NBAS: variants seen among roughly 807,000 people sequenced by gnomAD.
NBAS encodes the protein NBAS subunit of NRZ tethering complex.
Under a neutral mutation model 302.5 loss-of-function variants are expected in NBAS, and 219 were observed. The observed-to-expected ratio is 0.72, with a 90% CI of 0.65 to 0.81. The LOEUF (loss-of-function observed/expected upper bound fraction) is 0.81, where lower values mean the gene tolerates loss of function less well. NBAS is among the 30% of genes least tolerant of loss of function. The pLI is 0.00. For missense variants in NBAS, 2,932 were observed against 2,841.6 expected (o/e 1.03, Z -0.72); for synonymous variants, 1,118 against 1,021.6 (o/e 1.09, Z -1.80).
intron 31 of NBAS, among the ~76,000 whole-genome samples, chr2:15,374,202 A>C (rs1356242810): frequency 6.6e-6 from 1 of 152,228 alleles, no homozygotes; most frequent in African/African-American, 2.4e-5. Context: ...AAGCATAAAA[A>C]GAAAAAAACT....
intron 9 of NBAS, among the ~76,000 whole-genome samples, chr2:15,512,886 A>C (rs866944196): frequency 6.6e-6 from 1 of 152,310 alleles, no homozygotes; most frequent in African/African-American, 2.4e-5. Flanking sequence ...GAAAATGAAT[A>C]TATACCTTTT....
the NBAS span, among the ~76,000 whole-genome samples, chr2:15,114,326 C>A: frequency 6.6e-6 from 1 of 152,230 alleles, no homozygotes; most frequent in African/African-American, 2.4e-5. Context: ...CGTAGATGGA[C>A]CTCCTCTCCT....
intron 18 of NBAS, 87 bp from the exon 19 acceptor site, chr2:15,467,494 G>A (rs2148572346): frequency 2.9e-6 from 4 of 1,359,102 alleles, no homozygotes; most frequent in East Asian, 2.3e-5. Context: ...ATATTCCGTT[G>A]AGCCCAAAAC....
intron 9 of NBAS, among the ~76,000 whole-genome samples, chr2:15,518,373 GTTAT>G (rs901125090): frequency 7.9e-5 from 12 of 152,144 alleles, no homozygotes; most frequent in African/African-American, 2.9e-4. Context: ...TATCATTAGC[GTTAT>G]TTGTTTTTGC....
At chr2:14,967,558 A>T in the NBAS span, among the ~76,000 whole-genome samples, 4 of 152,370 alleles carry the variant, frequency 2.6e-5, no homozygotes, top group South Asian at 2.1e-4. Context: ...TGCAAAAATT[A>T]ACTTAAAATG....
the NBAS span, among the ~76,000 whole-genome samples, chr2:14,834,206 G>T: frequency 1.3e-5 from 2 of 152,174 alleles, no homozygotes; most frequent in Non-Finnish European, 2.9e-5. Flanking sequence ...CAAAATGAAT[G>T]TTGAATAGCC....
chr2:15,287,770 T>G (rs1396388075), intron 41 of NBAS, among the ~76,000 whole-genome samples: 2 of 151,538 alleles, frequency 1.3e-5, no homozygotes, highest in African/African-American at 4.9e-5. Flanking sequence ...GCACCCCATG[T>G]AGGCATCCCC....
At chr2:14,894,375 A>T in the NBAS span, among the ~76,000 whole-genome samples, 3 of 152,166 alleles carry the variant, frequency 2.0e-5, no homozygotes, top group African/African-American at 7.2e-5. Context: ...TGTTTTTAAT[A>T]ACAAAATATA....
At chr2:15,560,991 A>T (rs1664888857) in intron 1 of NBAS, among the ~76,000 whole-genome samples, 197 bp downstream of exon 1, 1 of 152,068 alleles carries the variant, frequency 6.6e-6, no homozygotes, top group Non-Finnish European at 1.5e-5. Context: ...GCCCAGGAAG[A>T]ATCTCAGGGA....
chr2:15,142,190 C>G, the NBAS span, among the ~76,000 whole-genome samples: 4 of 152,302 alleles, frequency 2.6e-5, no homozygotes, highest in East Asian at 7.7e-4. Context: ...AGCCTGTCAA[C>G]AGTTGCAAAT....
chr2:15,232,496 G>T lies in NBAS; in HGVS notation c.6162C>A (p.Asp2054Glu), dbSNP rs1238119569. 6.2e-7 allele frequency: 1 copy of T among 1,613,684 alleles called. No homozygotes were observed. The highest frequency in any genetic ancestry group is 8.5e-7 in the Non-Finnish European group (1 of 1,179,958). ...IISALSGGSA[D>E]LGGPRDPLKV... ...TCAGTGGGTCCCTTGGCCCACCAAG[G>T]TCAGCACTGCCACCACTGTGAAAAG... Residue 2054 changes from aspartate to glutamate, a missense_variant, in exon 47 of 52, where the codon GAC becomes GAA. Coordinates refer to ENST00000281513, the MANE Select transcript of NBAS (RefSeq NM_015909.4).
chr2:15,166,135 G>GGACC (rs1357368583), downstream of NBAS, among the ~76,000 whole-genome samples: 1 of 152,146 alleles, frequency 6.6e-6, no homozygotes, highest in Non-Finnish European at 1.5e-5. Context: ...CTATGCCCTG[G>GGACC]GACCCTTATC....
At chr2:14,804,662 T>G in the NBAS span, among the ~76,000 whole-genome samples, 1 of 152,184 alleles carries the variant, frequency 6.6e-6, no homozygotes, top group African/African-American at 2.4e-5. Context: ...GAATAATGAG[T>G]GAAAATCAAC....
chr2:14,909,616 G>T, the NBAS span, among the ~76,000 whole-genome samples: 1 of 152,174 alleles, frequency 6.6e-6, no homozygotes, highest in Non-Finnish European at 1.5e-5. Flanking sequence ...CGTCTCACAT[G>T]CTGTTGTAGG....
chr2:15,025,551 G>C, the NBAS span, among the ~76,000 whole-genome samples: 1 of 152,150 alleles, frequency 6.6e-6, no homozygotes, highest in Non-Finnish European at 1.5e-5. Flanking sequence ...AATTGCTTTG[G>C]GTAATATGGA....
the NBAS span, among the ~76,000 whole-genome samples, chr2:15,077,667 C>A: frequency 6.7e-6 from 1 of 149,162 alleles, no homozygotes; most frequent in South Asian, 2.1e-4. Context: ...AGGCTTCTTT[C>A]TTTTCTTTCT....
the NBAS span, among the ~76,000 whole-genome samples, chr2:15,064,890 T>C: frequency 6.6e-6 from 1 of 152,136 alleles, no homozygotes; most frequent in Non-Finnish European, 1.5e-5. Context: ...AAGGATCGTA[T>C]ATCAAGACCA....
intron 51 of NBAS, among the ~76,000 whole-genome samples, chr2:15,177,651 A>C (rs1054241843): frequency 6.6e-6 from 1 of 152,212 alleles, no homozygotes; most frequent in African/African-American, 2.4e-5. Flanking sequence ...AAATGCACTG[A>C]GAATATGCAG....
At chr2:15,484,234 T>G (rs902751263) in intron 12 of NBAS, among the ~76,000 whole-genome samples, 3 of 152,180 alleles carry the variant, frequency 2.0e-5, no homozygotes, top group African/African-American at 7.2e-5. Flanking sequence ...AGCTGATATA[T>G]CTCCCTTGCT....
Sources: gnomAD v4.1 joint callset for allele counts (sites outside exome capture counted in the v4.1 genomes callset) on GRCh38, gnomAD v4.1.1 for gene constraint, MANE v1.5 for transcripts, NCBI Gene and HGNC (gene_info 2026-07-23, HGNC 2026-07-21) for gene names.